Variants in BRCA1 observed in about 807,000 individuals in gnomAD.
BRCA1 encodes the protein BRCA1 DNA repair associated.
BRCA1 carries 140 observed loss-of-function variants against 173.7 expected under a neutral mutation model. The ratio of observed to expected loss-of-function variants is 0.81; its 90% confidence interval spans 0.70 to 0.93. The LOEUF (loss-of-function observed/expected upper bound fraction) is 0.93. BRCA1 is among the 40% of genes least tolerant of loss of function. BRCA1 has a pLI of 0.00. For missense variants in BRCA1, 1,983 were observed against 2,172.5 expected (o/e 0.91, Z 1.73); for synonymous variants, 662 against 756.0 (o/e 0.88, Z 2.04).
At chr17:43,157,968 C>T (rs1204950515) in intron 1 of BRCA1, among the ~76,000 whole-genome samples, 1 of 148,162 alleles carries the variant, frequency 6.7e-6, no homozygotes, top group Non-Finnish European at 1.5e-5. Flanking sequence ...GCACTCCAGC[C>T]TGGGCAACAA....
chr17:43,144,916 G>A (rs1307139937), intron 1 of BRCA1: 5 of 566,606 alleles, frequency 8.8e-6, no homozygotes, highest in East Asian at 4.6e-5. Flanking sequence ...GGCACACCGC[G>A]GCCAGCAGGC....
At chr17:43,060,777 G>A (rs1490885477) in intron 18 of BRCA1, among the ~76,000 whole-genome samples, 1 of 152,026 alleles carries the variant, frequency 6.6e-6, no homozygotes, top group Non-Finnish European at 1.5e-5. Flanking sequence ...AAAGTGCTGG[G>A]ATTATAGGCA....
intron 12 of BRCA1, among the ~76,000 whole-genome samples, chr17:43,079,002 C>A (rs1263890534): frequency 6.6e-6 from 1 of 152,148 alleles, no homozygotes; most frequent in Non-Finnish European, 1.5e-5. Context: ...GAGTTTGAGA[C>A]CAGCCCGGCC....
intron 1 of BRCA1, among the ~76,000 whole-genome samples, chr17:43,133,344 C>T (rs2055987039): frequency 6.6e-6 from 1 of 152,110 alleles, no homozygotes; most frequent in Non-Finnish European, 1.5e-5. Context: ...GGGCAGGGGA[C>T]AGGAGAAGTG....
At chr17:43,107,272 C>A (rs1306329788) in intron 3 of BRCA1, among the ~76,000 whole-genome samples, 1 of 151,628 alleles carries the variant, frequency 6.6e-6, no homozygotes, top group Non-Finnish European at 1.5e-5. Context: ...ACCATGTTAG[C>A]CAGGATGGTC....
chr17:43,076,369 G>T, intron 13 of BRCA1, 119 bp downstream of exon 13: 1 of 1,215,542 alleles, frequency 8.2e-7, no homozygotes, highest in South Asian at 1.3e-5. Context: ...AGCAATAAAA[G>T]TGTATAAATG....
At chr17:43,085,838 A>T (rs1478884727) in intron 11 of BRCA1, among the ~76,000 whole-genome samples, 1 of 152,178 alleles carries the variant, frequency 6.6e-6, no homozygotes, top group Non-Finnish European at 1.5e-5. Context: ...CATTCATTAC[A>T]TATAAATATA....
intron 1 of BRCA1, among the ~76,000 whole-genome samples, chr17:43,146,932 G>C (rs1432168101): frequency 6.6e-6 from 1 of 151,968 alleles, no homozygotes; most frequent in Non-Finnish European, 1.5e-5. Context: ...GAACCATGAG[G>C]GCCCCGTCGT....
At chr17:43,146,180 A>C (rs2056120009) in intron 1 of BRCA1, among the ~76,000 whole-genome samples, 1 of 152,118 alleles carries the variant, frequency 6.6e-6, no homozygotes, top group African/African-American at 2.4e-5. Flanking sequence ...GCTGATCAAC[A>C]TGTGAAGATA....
In BRCA1 at chr17:43,082,444, A is replaced by G. The variant is rs2154148532; in HGVS notation, c.4317T>C (p.Leu1439=). The G allele has an allele frequency of 4.3e-6, 7 of 1,614,190 alleles. No homozygotes were observed. The highest frequency in any genetic ancestry group is 5.9e-6 in the Non-Finnish European group (7 of 1,180,014). The change falls in exon 12 of 23, where the codon CTT becomes CTC. Residue 1439 remains leucine (L), a synonymous_variant. Coordinates refer to ENST00000357654, the MANE Select transcript of BRCA1 (RefSeq NM_007294.4). ...TTTGTTCTGGATTTCGCAGGTCCTC[A>G]AGGGCAGAAGAGTCACTTATGATGG... ...YPSIISDSSA[L]EDLRNPEQST... is the part of the protein sequence containing the mutation.
chr17:43,127,858 A>C (rs765663186), upstream of BRCA1, among the ~76,000 whole-genome samples: 1 of 145,138 alleles, frequency 6.9e-6, no homozygotes, highest in South Asian at 2.1e-4. Flanking sequence ...CCCCGACTCT[A>C]CTAAAAAGAC....
intron 1 of BRCA1, among the ~76,000 whole-genome samples, chr17:43,169,676 C>G (rs1447570774): frequency 6.6e-6 from 1 of 151,948 alleles, no homozygotes; most frequent in Non-Finnish European, 1.5e-5. Flanking sequence ...ACCCATCTGC[C>G]TAGCTTCGGA....
At position 43,091,733 on chromosome 17, in the gene BRCA1, GCTA is replaced by G. The variant is rs1439734513; in HGVS notation, c.3795_3797del (p.Ser1266del). ...TTACCTGGTTACTGCAGTCATTTAAGCTATTCTTCAATGATAATAAATTCTCCT... is the reference window on the plus strand; with the variant it reads ...TTACCTGGTTACTGCAGTCATTTAAGTTCTTCAATGATAATAAATTCTCCT... On this transcript the variant is annotated inframe_deletion, in exon 10 of 23. Coordinates refer to ENST00000357654, the MANE Select transcript of BRCA1 (RefSeq NM_007294.4). 6.2e-7 allele frequency: 1 copy of G among 1,614,204 alleles called. No homozygotes were observed. The highest frequency in any genetic ancestry group is 1.1e-5 in the South Asian group (1 of 91,080).
At chr17:43,149,373 T>C (rs1204466160) in intron 1 of BRCA1, among the ~76,000 whole-genome samples, 3 of 151,974 alleles carry the variant, frequency 2.0e-5, no homozygotes, top group Non-Finnish European at 2.9e-5. Flanking sequence ...GTGCTGGGAT[T>C]ACAGGTGTGA....
In BRCA1 at chr17:43,092,456, T is replaced by C; in HGVS notation, c.3075A>G (p.Thr1025=). The part of the protein sequence containing the change: ...GNENIPSTVS[T]ISRNNIRENV... Reference sequence around the variant, plus strand: ...TTTCTCTAATGTTATTACGGCTAATTGTGCTCACTGTACTTGGAATGTTCT... The same window carrying C: ...TTTCTCTAATGTTATTACGGCTAATCGTGCTCACTGTACTTGGAATGTTCT... Residue 1025 remains threonine (T), a synonymous_variant, in exon 10 of 23, where the codon ACA becomes ACG. Transcript: ENST00000357654. 3 of 1,614,044 alleles carry C rather than the reference T, an allele frequency of 1.9e-6. No individual in the cohort carries two copies. The highest frequency in any genetic ancestry group is 2.5e-6 in the Non-Finnish European group (3 of 1,180,008).
At chr17:43,065,495 C>G (rs751126600) in intron 16 of BRCA1, among the ~76,000 whole-genome samples, 13 of 152,022 alleles carry the variant, frequency 8.6e-5, no homozygotes, top group Non-Finnish European at 1.8e-4. Flanking sequence ...ATGGAAAAAC[C>G]CTGTCTCTAC....
At chr17:43,056,330 C>A (rs555315616) in intron 19 of BRCA1, among the ~76,000 whole-genome samples, 1 of 152,024 alleles carries the variant, frequency 6.6e-6, no homozygotes, top group African/African-American at 2.4e-5. Flanking sequence ...CATGCCACCA[C>A]GCCTGGCTAA....
chr17:43,074,342 C>T lies in BRCA1; in HGVS notation c.4664G>A (p.Arg1555Lys), dbSNP rs786202165. 6.2e-7 allele frequency: 1 copy of T among 1,613,958 alleles called. No homozygotes were observed. The highest frequency in any genetic ancestry group is 1.1e-5 in the South Asian group (1 of 91,076). Residue 1555 changes from arginine (R) to lysine (K), a missense_variant, in exon 14 of 23, where the codon AGG becomes AAG. Transcript: ENST00000357654. The stretch of plus-strand genomic sequence containing the variant: ...AGATGAAATATTACCTAGATCTTGC[C>T]TTGGCAAGTAAGATGTTTCCGTCAA... ...HDLTETSYLP[R>K]QDLEGTPYLE...
At chr17:43,070,168 G>A (rs555631493) in intron 15 of BRCA1, among the ~76,000 whole-genome samples, 2 of 152,100 alleles carry the variant, frequency 1.3e-5, no homozygotes, top group South Asian at 2.1e-4. Flanking sequence ...CCTGACCTTA[G>A]GTGATCTGAC....
Sources: allele counts gnomAD v4.1 joint callset (sites outside exome capture counted in the v4.1 genomes callset), GRCh38; gene constraint gnomAD v4.1.1; transcripts MANE v1.5; gene names NCBI Gene and HGNC (gene_info 2026-07-23, HGNC 2026-07-21).